The following CDK12 variants were observed in gnomAD, a reference collection of about 807,000 sequenced individuals.
The protein encoded by CDK12 is cyclin dependent kinase 12.
CDK12 carries 17 observed loss-of-function variants against 133.8 expected under a neutral mutation model. That is an observed-to-expected ratio of 0.13 (90% CI 0.09 to 0.19). The LOEUF is 0.19. Among genes scored for constraint, CDK12 ranks in the 10% least tolerant of loss-of-function variants. The pLI, the probability that CDK12 is intolerant of heterozygous loss-of-function variation, is 1.00. For missense variants in CDK12, 1,508 were observed against 1,818.7 expected (o/e 0.83, Z 3.11); for synonymous variants, 694 against 683.6 (o/e 1.02, Z -0.24).
intron 1 of CDK12, among the ~76,000 whole-genome samples, chr17:39,541,362 C>CT (rs201866427): frequency 0.032 from 4,420 of 136,156 alleles, 380 homozygotes; most frequent in African/African-American, 0.14. Context: ...GAGTTTGGCT[C>CT]TTTTTTTTTT....
At position 39,482,175 on chromosome 17, in the gene CDK12, G is replaced by A. The variant is rs115155275; in HGVS notation, c.1932-8382G>A. Among the ~76,000 whole-genome samples, 1,465 of 151,380 alleles carry A rather than the reference G, an allele frequency of 9.7e-3. 32 individuals carry two copies. The highest frequency in any genetic ancestry group is 0.034 in the African/African-American group (1,385 of 41,302). ...TTACAGGCGTGTGCCACCACACCCT[G>A]CTAATTTTGTGTTTTTAATAGAGAT... is the stretch of plus-strand genomic sequence containing the variant. On this transcript the variant is annotated intron_variant, in intron 2 of 13. Transcript: ENST00000447079.
chr17:39,553,149 G>C (rs2056021465), intron 2 of CDK12, among the ~76,000 whole-genome samples: 1 of 152,058 alleles, frequency 6.6e-6, no homozygotes, highest in Non-Finnish European at 1.5e-5. Flanking sequence ...GACTAGGTGG[G>C]GTACTCAATG....
chr17:39,465,156 G>T (rs543214208), intron 1 of CDK12, among the ~76,000 whole-genome samples: 2 of 149,332 alleles, frequency 1.3e-5, no homozygotes, highest in Non-Finnish European at 1.5e-5. Flanking sequence ...TGAGGCAGGA[G>T]AATCAGTTGA....
At chr17:39,487,581 T>C (rs1369045271) in intron 2 of CDK12, among the ~76,000 whole-genome samples, 1 of 151,906 alleles carries the variant, frequency 6.6e-6, no homozygotes, top group Non-Finnish European at 1.5e-5. Flanking sequence ...AGATGTCTTA[T>C]TTTTTCTGAG....
chr17:39,526,453 G>A (rs1371284923), intron 13 of CDK12, 137 bp downstream of exon 13: 4 of 662,966 alleles, frequency 6.0e-6, no homozygotes, highest in Admixed American at 2.9e-5. Flanking sequence ...GGAGAACATA[G>A]CACCAAGTAA....
intron 2 of CDK12, among the ~76,000 whole-genome samples, chr17:39,480,264 CTTTT>C (rs111244983): frequency 7.6e-6 from 1 of 132,200 alleles, no homozygotes; most frequent in African/African-American, 2.7e-5. Context: ...TGAAACTTTA[CTTTT>C]TTTTTTTTTT....
chr17:39,558,882 G>A (rs1445520358), intron 3 of CDK12, among the ~76,000 whole-genome samples: 1 of 152,168 alleles, frequency 6.6e-6, no homozygotes, highest in Non-Finnish European at 1.5e-5. Context: ...GACCTCAGGT[G>A]ATCCACCCAC....
At chr17:39,480,878 A>G (rs756653438) in intron 2 of CDK12, among the ~76,000 whole-genome samples, 2 of 152,230 alleles carry the variant, frequency 1.3e-5, no homozygotes, top group South Asian at 2.1e-4. Flanking sequence ...CCCACGTCCA[A>G]CATAGTACAA....
intron 2 of CDK12, among the ~76,000 whole-genome samples, chr17:39,479,901 A>G (rs1266959202): frequency 2.1e-5 from 3 of 142,232 alleles, no homozygotes; most frequent in Non-Finnish European, 3.0e-5. Context: ...TCCTGGGATT[A>G]CAGGCGTGAG....
rs963323774 is a variant in CDK12 at position 39,533,765 on chromosome 17, T to C, written c.*2449T>C. The C allele has an allele frequency of 4.3e-6, 1 of 232,654 alleles. No homozygotes were observed. Among genetic ancestry groups the C allele is most frequent in the Non-Finnish European group, 8.5e-6 (1 of 117,760 alleles). 14.4% of individuals were successfully genotyped at this position (232,654 alleles called of 1,614,324 possible). On this transcript the variant is annotated 3_prime_UTR_variant, in exon 14 of 14. Coordinates refer to ENST00000447079, the MANE Select transcript of CDK12 (RefSeq NM_016507.4). Reference sequence around the variant, plus strand: ...AGTCTTTTAAAATGAAAACAAAGTTTGGTAGTTTTGACTATTTCTAAAAGC... The same window carrying C: ...AGTCTTTTAAAATGAAAACAAAGTTCGGTAGTTTTGACTATTTCTAAAAGC...
At chr17:39,466,801 G>A (rs1474280946) in intron 1 of CDK12, among the ~76,000 whole-genome samples, 1 of 151,796 alleles carries the variant, frequency 6.6e-6, no homozygotes, top group Non-Finnish European at 1.5e-5. Flanking sequence ...TTGGCTTATA[G>A]AGAGCATTAT....
At chr17:39,510,987 G>A (rs1420487997) in intron 7 of CDK12, among the ~76,000 whole-genome samples, 1 of 144,172 alleles carries the variant, frequency 6.9e-6, no homozygotes, top group African/African-American at 2.5e-5. Flanking sequence ...AGACCGAGGT[G>A]GGTGGATCAT....
upstream of CDK12, among the ~76,000 whole-genome samples, chr17:39,544,592 C>G (rs1261309707): frequency 1.3e-5 from 2 of 151,292 alleles, no homozygotes; most frequent in African/African-American, 4.9e-5. Flanking sequence ...ATTCTCGTGC[C>G]TCAGCCTCTT....
At position 39,462,404 on chromosome 17, in the gene CDK12, T is replaced by C. The variant is rs1162001892; in HGVS notation, c.333T>C (p.His111=). 6.2e-7 allele frequency: 1 copy of C among 1,613,804 alleles called. No homozygotes were observed. The highest frequency in any genetic ancestry group is 1.3e-5 in the African/African-American group (1 of 74,796). ...GSDRSDRLHK[H]RHHQHRRSRD... ...ATCGGAGCGACCGCCTGCACAAACA[T>C]CGTCACCACCAGCACAGGCGTTCCC... Residue 111 remains histidine, a synonymous_variant, in exon 1 of 14, where the codon CAT becomes CAC. Transcript: ENST00000447079.
intron 2 of CDK12, among the ~76,000 whole-genome samples, chr17:39,552,874 G>A (rs1269888606): frequency 1.3e-5 from 2 of 152,078 alleles, no homozygotes; most frequent in African/African-American, 4.8e-5. Flanking sequence ...GATTATAGGT[G>A]CGCACCACCA....
intron 6 of CDK12, among the ~76,000 whole-genome samples, chr17:39,504,834 G>A (rs796827826): frequency 9.0e-5 from 11 of 122,470 alleles, no homozygotes; most frequent in African/African-American, 3.1e-4. Flanking sequence ...AGCAGAGATT[G>A]CCACCACTGC....
intron 5 of CDK12, among the ~76,000 whole-genome samples, chr17:39,499,472 G>C (rs192391926): frequency 1.6e-4 from 24 of 149,664 alleles, no homozygotes; most frequent in African/African-American, 5.2e-4. Flanking sequence ...GCCTCCCAAA[G>C]TGCTGGGATT....
At chr17:39,481,634 CTCTCTCTCTCT>C (rs2050676673) in intron 2 of CDK12, among the ~76,000 whole-genome samples, 1 of 3,908 alleles carries the variant, frequency 2.6e-4, no homozygotes, top group African/African-American at 7.5e-4. Flanking sequence ...CGCTCGCGCG[CTCTCTCTCTCT>C]CTCTCTCTCT....
At chr17:39,544,460 C>T (rs2055574223), upstream of CDK12, 2 of 217,854 alleles carry the variant, frequency 9.2e-6, no homozygotes, top group African/African-American at 3.8e-5. Context: ...AGAGAAGTTT[C>T]TTTCTTTTTT....
Sources: gnomAD v4.1 joint callset for allele counts (sites outside exome capture counted in the v4.1 genomes callset) on GRCh38, gnomAD v4.1.1 for gene constraint, MANE v1.5 for transcripts, NCBI Gene and HGNC (gene_info 2026-07-23, HGNC 2026-07-21) for gene names.